The following NUMB variants were observed in gnomAD, a reference collection of about 807,000 sequenced individuals.
NUMB encodes NUMB endocytic adaptor protein, also known as protein numb homolog.
In NUMB, 29 loss-of-function variants were observed where a neutral mutation model predicts 59.7. The observed-to-expected ratio is 0.49, with a 90% confidence interval of 0.36 to 0.66. NUMB has a LOEUF of 0.66. Among genes scored for constraint, NUMB ranks in the 30% least tolerant of loss-of-function variants. NUMB has a pLI of 0.00. For missense variants in NUMB, 723 were observed against 822.0 expected (o/e 0.88, Z 1.47); for synonymous variants, 288 against 288.2 (o/e 1.00, Z 0.01).
chr14:73,284,434 G>C, intron 9 of NUMB, 60 bp from the exon 10 acceptor site: 1 of 1,472,500 alleles, frequency 6.8e-7, no homozygotes, highest in Non-Finnish European at 9.2e-7. Flanking sequence ...TGCGTTTAGA[G>C]AGCTGACAAA....
chr14:73,316,567 C>A, intron 5 of NUMB, 145 bp from the exon 6 acceptor site: 1 of 680,714 alleles, frequency 1.5e-6, no homozygotes, highest in Non-Finnish European at 2.6e-6. Flanking sequence ...TTATCCACAC[C>A]AGGAGTGACA....
At chr14:73,427,451 T>G (rs1207995087) in intron 1 of NUMB, among the ~76,000 whole-genome samples, 1 of 151,664 alleles carries the variant, frequency 6.6e-6, no homozygotes, top group African/African-American at 2.4e-5. Context: ...GGCAACAGAG[T>G]GAGACTCTGT....
chr14:73,454,387 T>C (rs1333289355), intron 1 of NUMB, among the ~76,000 whole-genome samples: 1 of 152,106 alleles, frequency 6.6e-6, no homozygotes, highest in Admixed American at 6.6e-5. Context: ...GGTAATTAGT[T>C]TAGGAAGTTT....
chr14:73,407,578 A>T (rs1375188014), intron 2 of NUMB, among the ~76,000 whole-genome samples: 1 of 152,236 alleles, frequency 6.6e-6, no homozygotes, highest in Non-Finnish European at 1.5e-5. Flanking sequence ...CTATTGACAC[A>T]CTAGGTGGTT....
intron 2 of NUMB, chr14:73,409,422 T>C (rs959725956): frequency 1.3e-5 from 2 of 152,236 alleles, no homozygotes; most frequent in Non-Finnish European, 2.9e-5. Context: ...GCTGAGGTCC[T>C]AGCCAACAGC....
At chr14:73,347,920 C>T (rs1893000718) in intron 4 of NUMB, among the ~76,000 whole-genome samples, 1 of 152,216 alleles carries the variant, frequency 6.6e-6, no homozygotes, top group South Asian at 2.1e-4. Flanking sequence ...AATTTACCTA[C>T]TCACTAAAAT....
intron 1 of NUMB, among the ~76,000 whole-genome samples, chr14:73,415,675 C>T (rs928877137): frequency 2.0e-5 from 3 of 151,966 alleles, no homozygotes; most frequent in African/African-American, 7.2e-5. Flanking sequence ...CTATGTTGGC[C>T]AGGCTGGTCT....
intron 4 of NUMB, among the ~76,000 whole-genome samples, chr14:73,348,558 C>T (rs1285382180): frequency 6.6e-6 from 1 of 152,224 alleles, no homozygotes; most frequent in Non-Finnish European, 1.5e-5. Context: ...GGAGCGCGAA[C>T]TCTATTGTGA....
chr14:73,449,260 C>T (rs1283244283), intron 1 of NUMB, among the ~76,000 whole-genome samples: 1 of 152,022 alleles, frequency 6.6e-6, no homozygotes, highest in Non-Finnish European at 1.5e-5. Context: ...ACTACACCAT[C>T]TTATATAAGT....
chr14:73,427,894 G>A (rs796709932), intron 1 of NUMB, among the ~76,000 whole-genome samples: 6 of 152,102 alleles, frequency 3.9e-5, no homozygotes, highest in African/African-American at 1.4e-4. Flanking sequence ...TTTTTAATGC[G>A]ATAAAGTTAC....
At chr14:73,335,345 C>T (rs1039729350) in intron 4 of NUMB, among the ~76,000 whole-genome samples, 1 of 128,860 alleles carries the variant, frequency 7.8e-6, no homozygotes, top group Non-Finnish European at 1.7e-5. Flanking sequence ...TAGAAGGGAA[C>T]AAAATTATTT....
chr14:73,295,027 T>C, intron 7 of NUMB, among the ~76,000 whole-genome samples: 1 of 110,928 alleles, frequency 9.0e-6, no homozygotes, highest in African/African-American at 3.6e-5. Flanking sequence ...GCCACTGTAC[T>C]CCAGCCTGGG....
intron 4 of NUMB, among the ~76,000 whole-genome samples, chr14:73,332,483 A>T (rs1448718640): frequency 6.6e-6 from 1 of 151,840 alleles, no homozygotes; most frequent in African/African-American, 2.4e-5. Context: ...CGAACTCCTG[A>T]CCTCAGATGA....
Position 73,360,434 on chromosome 14 carries a change from T to C in NUMB, c.-15-4668A>G, listed in dbSNP as rs948731947. ...TTAGCGAAGTGTGGTGGCGGGCACC[T>C]TGTAGCCCAGCTACTCGGGAGGCTG... On this transcript the variant is annotated intron_variant, in intron 3 of 12. Coordinates refer to ENST00000555238, the MANE Select transcript of NUMB (RefSeq NM_001005743.2). Among the ~76,000 whole-genome samples, 4 of 152,144 alleles carry C rather than the reference T, an allele frequency of 2.6e-5. No homozygotes were observed. In the East Asian group the frequency reaches 5.8e-4, roughly 22 times the overall value.
At chr14:73,287,439 C>T (rs896001173) in intron 8 of NUMB, 125 bp from the exon 9 acceptor site, 14 of 813,666 alleles carry the variant, frequency 1.7e-5, no homozygotes, top group Admixed American at 1.4e-4. Flanking sequence ...AGTGCAGTGG[C>T]GCAGTCTCTG....
At chr14:73,288,338 G>A (rs1343832284) in intron 8 of NUMB, among the ~76,000 whole-genome samples, 2 of 151,718 alleles carry the variant, frequency 1.3e-5, no homozygotes, top group Non-Finnish European at 2.9e-5. Flanking sequence ...GGATCATGAG[G>A]TCAGGAGCTC....
rs1161152053 is a variant in NUMB, at chr14:73,414,652, G to T, written c.-232-4584C>A. Among the ~76,000 whole-genome samples, 8 of 152,264 alleles carry T rather than the reference G, an allele frequency of 5.3e-5. No individual in the cohort carries two copies. In the East Asian group the frequency reaches 1.4e-3, roughly 26 times the overall value. Reference sequence around the variant, plus strand: ...TCTGCCCTTCTCAGCCTCCCAATTTGCTGGGATTATAGGCATGAACCATCG... The same window carrying T: ...TCTGCCCTTCTCAGCCTCCCAATTTTCTGGGATTATAGGCATGAACCATCG... On this transcript the variant is annotated intron_variant, in intron 1 of 12. Coordinates refer to ENST00000555238, the MANE Select transcript of NUMB (RefSeq NM_001005743.2).
chr14:73,442,934 C>T (rs941294801), intron 1 of NUMB, among the ~76,000 whole-genome samples: 1 of 152,116 alleles, frequency 6.6e-6, no homozygotes, highest in African/African-American at 2.4e-5. Flanking sequence ...GCAATCTCAG[C>T]TCACTGCAAC....
At chr14:73,362,349 A>C (rs1894137398) in intron 3 of NUMB, among the ~76,000 whole-genome samples, 1 of 152,116 alleles carries the variant, frequency 6.6e-6, no homozygotes, top group East Asian at 1.9e-4. Flanking sequence ...GACGATTCCC[A>C]GTTCCAGAGA....
Sources: allele counts gnomAD v4.1 joint callset (sites outside exome capture counted in the v4.1 genomes callset), GRCh38; gene constraint gnomAD v4.1.1; transcripts MANE v1.5; gene names NCBI Gene and HGNC (gene_info 2026-07-23, HGNC 2026-07-21).